The following MACROD2 variants were observed in gnomAD, a reference collection of about 807,000 sequenced individuals.
The protein encoded by MACROD2 is ADP-ribose glycohydrolase MACROD2.
In MACROD2, 36 loss-of-function variants were observed where a neutral mutation model predicts 70.4. That is an observed-to-expected ratio of 0.51 (90% confidence interval 0.39 to 0.68). The LOEUF (loss-of-function observed/expected upper bound fraction) is 0.68, where lower values mean the gene tolerates loss of function less well. MACROD2 is among the 30% of genes least tolerant of loss of function. The pLI is 0.00. For missense variants in MACROD2, 496 were observed against 538.4 expected (o/e 0.92, Z 0.78); for synonymous variants, 172 against 178.8 (o/e 0.96, Z 0.30).
At chr20:14,089,681 G>A (rs1274094707) in intron 3 of MACROD2, among the ~76,000 whole-genome samples, 3 of 152,014 alleles carry the variant, frequency 2.0e-5, no homozygotes, top group African/African-American at 7.3e-5. Context: ...TAGTACACAG[G>A]GCAGTAGCAC....
intron 4 of MACROD2, among the ~76,000 whole-genome samples, chr20:14,633,920 C>A (rs1355941207): frequency 6.6e-6 from 1 of 152,174 alleles, no homozygotes; most frequent in Non-Finnish European, 1.5e-5. Flanking sequence ...ACTACCATGG[C>A]CATCTAATTT....
At chr20:15,181,034 T>C (rs2076497009) in intron 5 of MACROD2, among the ~76,000 whole-genome samples, 1 of 152,204 alleles carries the variant, frequency 6.6e-6, no homozygotes, top group African/African-American at 2.4e-5. Flanking sequence ...TTTGGGCTGT[T>C]TTTCATTACA....
intron 5 of MACROD2, among the ~76,000 whole-genome samples, chr20:14,978,269 T>C (rs1277448835): frequency 6.6e-6 from 1 of 152,170 alleles, no homozygotes; most frequent in Non-Finnish European, 1.5e-5. Context: ...TATATGTATC[T>C]ATTCAGTACT....
chr20:15,131,924 A>G (rs1339098895), intron 5 of MACROD2, among the ~76,000 whole-genome samples: 1 of 152,082 alleles, frequency 6.6e-6, no homozygotes, highest in African/African-American at 2.4e-5. Context: ...AATGAGAACA[A>G]TACTCATATA....
At chr20:14,234,437 C>T (rs1483694024) in intron 3 of MACROD2, among the ~76,000 whole-genome samples, 1 of 151,952 alleles carries the variant, frequency 6.6e-6, no homozygotes, top group Non-Finnish European at 1.5e-5. Flanking sequence ...ATTCTTAGTT[C>T]ATCTGTTATT....
At chr20:15,244,602 T>C (rs1354645457) in intron 6 of MACROD2, among the ~76,000 whole-genome samples, 1 of 152,154 alleles carries the variant, frequency 6.6e-6, no homozygotes, top group African/African-American at 2.4e-5. Context: ...CTACTGCAAG[T>C]GTATCATTCC....
At chr20:15,355,600 G>A (rs368341052) in intron 6 of MACROD2, among the ~76,000 whole-genome samples, 1 of 152,192 alleles carries the variant, frequency 6.6e-6, no homozygotes, top group Admixed American at 6.5e-5. Context: ...TCTAGTCCTT[G>A]CCCCTTCTTG....
intron 3 of MACROD2, chr20:14,324,696 C>T (rs993442837): frequency 6.6e-6 from 1 of 152,050 alleles, no homozygotes; most frequent in East Asian, 1.9e-4. Flanking sequence ...TTTCAAAAAT[C>T]AGGATGGTAT....
intron 15 of MACROD2, among the ~76,000 whole-genome samples, chr20:16,030,238 T>C (rs925106443): frequency 1.3e-5 from 2 of 152,084 alleles, no homozygotes; most frequent in African/African-American, 2.4e-5. Flanking sequence ...GCAGACAAAT[T>C]TGGGGGGAAC....
At chr20:15,651,814 G>A (rs770779640) in intron 8 of MACROD2, among the ~76,000 whole-genome samples, 7 of 152,044 alleles carry the variant, frequency 4.6e-5, no homozygotes, top group Non-Finnish European at 8.8e-5. Context: ...TTCCTTTTCT[G>A]TTGAAGCACT....
At chr20:14,090,540 T>C (rs1569154644) in intron 3 of MACROD2, among the ~76,000 whole-genome samples, 1 of 148,146 alleles carries the variant, frequency 6.8e-6, no homozygotes, top group African/African-American at 2.5e-5. Flanking sequence ...ACCATTGCAC[T>C]CTAGCCTAGG....
intron 3 of MACROD2, among the ~76,000 whole-genome samples, chr20:14,376,653 G>A (rs6042701): frequency 6.6e-6 from 1 of 151,902 alleles, no homozygotes; most frequent in African/African-American, 2.4e-5. Flanking sequence ...GGAGGGCTGA[G>A]GTGGGAGGAT....
chr20:15,084,059 G>GTTTTTT (rs5840650), intron 5 of MACROD2, among the ~76,000 whole-genome samples: 2 of 110,554 alleles, frequency 1.8e-5, no homozygotes, highest in African/African-American at 4.5e-5. Context: ...GCAACACTAG[G>GTTTTTT]TTTTTTTTTT....
intron 5 of MACROD2, among the ~76,000 whole-genome samples, chr20:15,211,620 G>A (rs112080288): frequency 0.012 from 1,888 of 151,932 alleles, 34 homozygotes; most frequent in African/African-American, 0.043. Context: ...TCTGTCTCTC[G>A]TCTCTTACCA....
intron 3 of MACROD2, among the ~76,000 whole-genome samples, chr20:14,401,053 C>G (rs1028192130): frequency 1.3e-5 from 2 of 152,170 alleles, no homozygotes; most frequent in Non-Finnish European, 2.9e-5. Context: ...TCAATTTAAA[C>G]TCTTGCCTAA....
At chr20:14,448,004 GTGTC>G (rs1471452182) in intron 3 of MACROD2, among the ~76,000 whole-genome samples, 8 of 151,112 alleles carry the variant, frequency 5.3e-5, no homozygotes, top group African/African-American at 2.0e-4. Flanking sequence ...GTGTGTGTGT[GTGTC>G]TGTGTCTGCA....
At chr20:14,159,178 C>A (rs1165589617) in intron 3 of MACROD2, among the ~76,000 whole-genome samples, 1 of 151,920 alleles carries the variant, frequency 6.6e-6, no homozygotes, top group Admixed American at 6.6e-5. Context: ...ATGGAGGTTG[C>A]AATGAGCCTA....
intron 8 of MACROD2, among the ~76,000 whole-genome samples, chr20:15,659,162 C>T (rs950480301): frequency 3.9e-5 from 6 of 152,178 alleles, no homozygotes; most frequent in South Asian, 2.1e-4. Flanking sequence ...TTTTAAAATG[C>T]AGCTGGTCTA....
Position 15,349,755 on chromosome 20 carries a change from C to CAAAAAA in MACROD2, c.541-81641_541-81636dup, listed in dbSNP as rs397864871. Among the ~76,000 whole-genome samples the CAAAAAA allele has an allele frequency of 3.5e-4, 44 of 124,542 alleles. 1 individual carries two copies. The highest frequency in any genetic ancestry group is 1.2e-3 in the African/African-American group (38 of 32,982). 81.7% of individuals were successfully genotyped at this position (124,542 alleles called of 152,430 possible). A position where few individuals can be genotyped will look rare whatever the true frequency, so the allele number is the denominator to read the frequency against. ...TGGATGACAGAGAAAAACTCAGTCTCAAAAAAAAAAAAAACACACCACGAA... is the reference window on the plus strand; with the variant it reads ...TGGATGACAGAGAAAAACTCAGTCTCAAAAAAAAAAAAAAAAAAAACACACCACGAA... On this transcript the variant is annotated intron_variant, in intron 6 of 17. Transcript: ENST00000684519.
Sources: allele counts gnomAD v4.1 joint callset (sites outside exome capture counted in the v4.1 genomes callset), GRCh38; gene constraint gnomAD v4.1.1; transcripts MANE v1.5; gene names NCBI Gene and HGNC (gene_info 2026-07-23, HGNC 2026-07-21).